The following KIF13B variants were observed in gnomAD, a reference collection of about 807,000 sequenced individuals.
The protein encoded by KIF13B is kinesin family member 13B.
A neutral mutation model predicts 222.0 loss-of-function variants in KIF13B; 127 were observed. The observed-to-expected ratio is 0.57, with a 90% CI of 0.50 to 0.66. KIF13B has a LOEUF of 0.66. KIF13B is among the 30% of genes least tolerant of loss of function. KIF13B has a pLI of 0.00. For missense variants in KIF13B, 2,173 were observed against 2,379.0 expected (o/e 0.91, Z 1.80); for synonymous variants, 976 against 919.0 (o/e 1.06, Z -1.12).
chr8:29,116,707 C>G (rs1381650000), intron 31 of KIF13B, 124 bp downstream of exon 31: 2 of 828,108 alleles, frequency 2.4e-6, no homozygotes, highest in Non-Finnish European at 1.9e-6. Context: ...CAGCAGTCAC[C>G]TGGAAAAGAA....
intron 18 of KIF13B, among the ~76,000 whole-genome samples, chr8:29,143,360 G>C (rs1254470205): frequency 1.3e-5 from 2 of 152,130 alleles, no homozygotes; most frequent in African/African-American, 4.8e-5. Flanking sequence ...GCATCTTCAG[G>C]GGGTATAAAA....
intron 2 of KIF13B, among the ~76,000 whole-genome samples, chr8:29,232,441 A>AAT (rs35132469): frequency 0.21 from 30,857 of 146,506 alleles, 3,436 homozygotes; most frequent in African/African-American, 0.26. Context: ...TTAAAAAATA[A>AAT]ATATATATAT....
intron 10 of KIF13B, among the ~76,000 whole-genome samples, chr8:29,174,945 T>C (rs527315068): frequency 2.6e-5 from 4 of 152,310 alleles, no homozygotes; most frequent in Admixed American, 1.3e-4. Context: ...AAACATGCTA[T>C]GGACTAAATC....
At chr8:29,093,382 A>G (rs922940070) in intron 36 of KIF13B, among the ~76,000 whole-genome samples, 2 of 152,214 alleles carry the variant, frequency 1.3e-5, no homozygotes, top group Non-Finnish European at 2.9e-5. Flanking sequence ...TTGTTTGTTA[A>G]AAGTCAGGGA....
intron 21 of KIF13B, chr8:29,138,570 G>C (rs1275134524): frequency 6.6e-6 from 1 of 152,104 alleles, no homozygotes; most frequent in Non-Finnish European, 1.5e-5. Flanking sequence ...CAAACAACTA[G>C]ACAAGATGTG....
chr8:29,150,368 C>G lies in KIF13B; in HGVS notation c.1551G>C (p.Gly517=), dbSNP rs762719445. 5 of 1,573,148 alleles carry G rather than the reference C, an allele frequency of 3.2e-6. No individual in the cohort carries two copies. The highest frequency in any genetic ancestry group is 4.4e-6 in the Non-Finnish European group (5 of 1,146,494). The change falls in exon 15 of 40, where the codon GGG becomes GGC. Residue 517 remains glycine, a synonymous_variant. Transcript: ENST00000524189. ...PQKNTRTFVN[G]SSVSSPIQLH... is the part of the protein sequence containing the mutation. ...GCTGTATTGGACTGGAGACAGATGA[C>G]CCATTTACAAATGTTCTGTAAGGAG...
At chr8:29,095,116 T>C (rs907842904) in intron 36 of KIF13B, among the ~76,000 whole-genome samples, 31 of 152,184 alleles carry the variant, frequency 2.0e-4, no homozygotes, top group African/African-American at 6.5e-4. Flanking sequence ...TTTCTCACGA[T>C]TGCTGAAAAA....
intron 12 of KIF13B, among the ~76,000 whole-genome samples, chr8:29,162,555 A>G (rs1413648337): frequency 6.6e-6 from 1 of 152,182 alleles, no homozygotes; most frequent in Admixed American, 6.5e-5. Flanking sequence ...GAGGTAACTA[A>G]CTATACCTTT....
At chr8:29,108,074 G>T in intron 35 of KIF13B, 65 bp downstream of exon 35, 1 of 1,378,616 alleles carries the variant, frequency 7.3e-7, no homozygotes, top group South Asian at 1.3e-5. Context: ...CCTGAGATTT[G>T]AGAAGATGAA....
intron 17 of KIF13B, among the ~76,000 whole-genome samples, 165 bp downstream of exon 17, chr8:29,147,227 C>T (rs1166503520): frequency 8.5e-5 from 13 of 152,164 alleles, no homozygotes; most frequent in Non-Finnish European, 1.2e-4. Flanking sequence ...GGGCAATTCC[C>T]CTTTTAAAAA....
intron 36 of KIF13B, among the ~76,000 whole-genome samples, chr8:29,098,713 G>T (rs1440149457): frequency 6.6e-6 from 1 of 151,306 alleles, no homozygotes; most frequent in Non-Finnish European, 1.5e-5. Context: ...TAAGGAAGAG[G>T]TAATACTAAT....
At chr8:29,213,961 T>TAAATA (rs904972130) in intron 2 of KIF13B, among the ~76,000 whole-genome samples, 5 of 151,756 alleles carry the variant, frequency 3.3e-5, no homozygotes, top group Admixed American at 6.6e-5. Flanking sequence ...CTCAAAAAAA[T>TAAATA]AAATAAAATA....
rs751345506 is a variant in KIF13B at position 29,245,392 on chromosome 8, C to T, written c.103G>A (p.Val35Ile). ...TTCGTATTTACAGGATTAAGAATAA[C>T]CTTGTTTGCATCCACATCCACCACA... The part of the protein sequence containing the change: ...KCVVDVDANK[V>I]ILNPVNTNLS... The change falls in exon 2 of 40, where the codon GTT (valine) becomes ATT (isoleucine). Residue 35 changes from valine to isoleucine, a missense_variant. By Grantham distance (29) the Val-to-Ile change is conservative (BLOSUM62 3). This residue lies in a region of KIF13B where 1,480 missense variants were observed against 1,722.8 expected (regional missense o/e 0.86). Transcript: ENST00000524189. 3 of 1,603,568 alleles carry T rather than the reference C, an allele frequency of 1.9e-6. No individual in the cohort carries two copies. Among genetic ancestry groups the T allele is most frequent in the East Asian group, 2.2e-5 (1 of 44,734 alleles).
At chr8:29,228,512 T>G (rs535036355) in intron 2 of KIF13B, among the ~76,000 whole-genome samples, 1 of 141,690 alleles carries the variant, frequency 7.1e-6, no homozygotes, top group Non-Finnish European at 1.6e-5. Flanking sequence ...TCCTCCATTC[T>G]TAGGACAGCA....
intron 6 of KIF13B, among the ~76,000 whole-genome samples, chr8:29,185,322 C>T (rs774635479): frequency 6.6e-6 from 1 of 152,138 alleles, no homozygotes; most frequent in African/African-American, 2.4e-5. Context: ...AGTCATTGTC[C>T]CTTTGCTCTC....
At chr8:29,174,726 C>T (rs943881659) in intron 10 of KIF13B, among the ~76,000 whole-genome samples, 2 of 152,080 alleles carry the variant, frequency 1.3e-5, no homozygotes, top group Non-Finnish European at 2.9e-5. Context: ...AGTAATGGAC[C>T]TGATATTCTA....
chr8:29,070,632 C>A lies in KIF13B; in HGVS notation c.5353G>T (p.Ala1785Ser). 1 of 1,571,434 alleles carries A rather than the reference C, an allele frequency of 6.4e-7. No homozygotes were observed. The highest frequency in any genetic ancestry group is 8.6e-7 in the Non-Finnish European group (1 of 1,158,230). Residue 1785 changes from alanine to serine, a missense_variant, in exon 40 of 40, where the codon GCC becomes TCC. Physicochemically the swap from Ala to Ser is moderately conservative, Grantham distance 99 (BLOSUM62 1). This residue lies in a region of KIF13B where 693 missense variants were observed against 656.2 expected (regional missense o/e 1.06). Transcript: ENST00000524189. The surrounding 1 kb of genome is among the most constrained non-coding windows in gnomAD (Gnocchi z 4.1). ...GTGGCGCTCCGGCGGGCCTCGGGGG[C>A]ACCCAGCCGGAGTCCTGTGCTGCGC... Reference protein sequence around the residue: ...RRRSTGLRLGAPEARRSATLS... With the variant: ...RRRSTGLRLGSPEARRSATLS...
chr8:29,136,690 C>T (rs1333988449), intron 21 of KIF13B, among the ~76,000 whole-genome samples: 1 of 151,286 alleles, frequency 6.6e-6, no homozygotes, highest in East Asian at 1.9e-4. Context: ...TCTTAGGCTT[C>T]GTTTTCTCCT....
intron 14 of KIF13B, among the ~76,000 whole-genome samples, chr8:29,152,102 G>A (rs1479877508): frequency 6.6e-6 from 1 of 152,162 alleles, no homozygotes; most frequent in African/African-American, 2.4e-5. Flanking sequence ...CAGGTGTGGT[G>A]GAAATAGCAA....
Sources: gnomAD v4.1 joint callset for allele counts (sites outside exome capture counted in the v4.1 genomes callset) on GRCh38, gnomAD v4.1.1 for gene constraint, gnomAD v4.1.1 regional missense constraint, Gnocchi (gnomAD v3.1) non-coding constraint, MANE v1.5 for transcripts, NCBI Gene and HGNC (gene_info 2026-07-23, HGNC 2026-07-21) for gene names.